The following ADCY3 variants were observed in gnomAD, a reference collection of about 807,000 sequenced individuals.
The protein encoded by ADCY3 is adenylate cyclase type 3.
Under a neutral mutation model 119.4 loss-of-function variants are expected in ADCY3, and 70 were observed. The ratio of observed to expected loss-of-function variants is 0.59; its 90% CI spans 0.48 to 0.72. The LOEUF is 0.72. Among genes scored for constraint, ADCY3 ranks in the 30% least tolerant of loss-of-function variants. ADCY3 has a pLI of 0.00. For missense variants in ADCY3, 1,238 were observed against 1,541.6 expected (o/e 0.80, Z 3.30); for synonymous variants, 672 against 621.4 (o/e 1.08, Z -1.21).
intron 3 of ADCY3, among the ~76,000 whole-genome samples, chr2:24,850,304 C>T (rs536110673): frequency 3.9e-5 from 6 of 152,190 alleles, no homozygotes; most frequent in Non-Finnish European, 8.8e-5. Flanking sequence ...TAGCTACGGA[C>T]CTTCTAGAAA....
rs1558389787 is a variant in ADCY3, at chr2:24,820,081, ACT to A, written c.3284_3285del (p.Glu1095ValfsTer29). 6 of 1,556,294 alleles carry A rather than the reference ACT, an allele frequency of 3.9e-6. No homozygotes were observed. Among genetic ancestry groups the A allele is most frequent in the African/African-American group, 1.4e-5 (1 of 71,138 alleles). ...VVEETQVILR[E>X]YGFRFVRRGP... is the part of the protein sequence containing the mutation. ...CCTCGCCTCACAAAGCGGAAGCCGT[ACT>A]CTCGGAGGATGACTTGGGTTTCTTC... On this transcript the variant is annotated frameshift_variant, in exon 22 of 22. Coordinates refer to ENST00000679454, the MANE Select transcript of ADCY3 (RefSeq NM_004036.5). LOFTEE classifies it high-confidence loss of function.
intron 2 of ADCY3, among the ~76,000 whole-genome samples, chr2:24,884,765 C>T (rs1046771487): frequency 1.3e-5 from 2 of 152,150 alleles, no homozygotes; most frequent in African/African-American, 2.4e-5. Context: ...GTGTGAGCCA[C>T]AGCGCCCAGC....
rs756903970 is a variant in ADCY3, at chr2:24,838,468, T to C, written c.1510A>G (p.Thr504Ala). The change falls in exon 8 of 22, where the codon ACC (threonine) becomes GCC (alanine). Residue 504 changes from threonine to alanine, a missense_variant. Thr to Ala is a moderately conservative substitution (Grantham distance 58). Around this residue, in one of 7 missense-constraint regions of ADCY3, gnomAD observed 283 missense variants for 437.2 expected, o/e 0.65. Transcript: ENST00000679454. ...ASKPEVKKTA[T>A]QNGLNGSALP... ...ACCGAGCCATTGAGGCCATTCTGGG[T>C]GGCTGTTTTCTTCACCTCTGGCTTG... The C allele has an allele frequency of 7.4e-6, 12 of 1,613,224 alleles. No homozygotes were observed. Among genetic ancestry groups the C allele is most frequent in the Admixed American group, 1.7e-5 (1 of 59,990 alleles).
In ADCY3 at chr2:24,820,019, G is replaced by T. The variant is rs1667313581; in HGVS notation, c.3348C>A (p.Thr1116=). The part of the protein sequence containing the change: ...IFVKGKGELL[T]FFLKGRDKLA... ...GCTTATCCCGCCCCTTCAAGAAGAA[G>T]GTCAGCAGCTCCCCCTTCCCCTTCA... is the stretch of plus-strand genomic sequence containing the variant. Residue 1116 remains threonine, a synonymous_variant, in exon 22 of 22, where the codon ACC becomes ACA. Coordinates refer to ENST00000679454, the MANE Select transcript of ADCY3 (RefSeq NM_004036.5). 2 of 1,612,232 alleles carry T rather than the reference G, an allele frequency of 1.2e-6. No homozygotes were observed. Among genetic ancestry groups the T allele is most frequent in the South Asian group, 2.2e-5 (2 of 90,876 alleles).
intron 14 of ADCY3, 115 bp from the exon 15 acceptor site, chr2:24,827,723 C>T: frequency 4.2e-6 from 6 of 1,426,828 alleles, no homozygotes; most frequent in Non-Finnish European, 5.8e-6. Context: ...AGAATCTATT[C>T]TCAGGTCCTA....
chr2:24,891,999 T>G (rs1051453018), intron 2 of ADCY3, among the ~76,000 whole-genome samples: 13 of 152,252 alleles, frequency 8.5e-5, no homozygotes, highest in Admixed American at 2.6e-4. Flanking sequence ...GGGGAACTAC[T>G]GTATAAGCAT....
intron 7 of ADCY3, 89 bp from the exon 8 acceptor site, chr2:24,838,711 C>T: frequency 6.3e-7 from 1 of 1,591,248 alleles, no homozygotes; most frequent in Non-Finnish European, 8.6e-7. Flanking sequence ...GCTGCACCGG[C>T]TGCTGCTCGG....
At chr2:24,915,075 G>T (rs1664286972) in intron 2 of ADCY3, among the ~76,000 whole-genome samples, 1 of 152,202 alleles carries the variant, frequency 6.6e-6, no homozygotes, top group South Asian at 2.1e-4. Flanking sequence ...ATGGGCATGG[G>T]GGGATAAGGG....
Position 24,872,268 on chromosome 2 carries a change from A to G in ADCY3, c.825+302T>C, listed in dbSNP as rs1340352499. ...GAAGTCATAGCTGGCTGCTTGGGCA[A>G]TGCATTTCTTGAAAGGGAAAAGTTT... On this transcript the variant is annotated intron_variant, in intron 3 of 21. Transcript: ENST00000679454. This position sits in a 1 kb window ranked among gnomAD's most constrained non-coding sequence, Gnocchi z 4.4. 6.6e-6 allele frequency among the ~76,000 whole-genome samples: 1 copy of G among 152,206 alleles called. No homozygotes were observed. Among genetic ancestry groups the G allele is most frequent in the African/African-American group, 2.4e-5 (1 of 41,456 alleles).
Position 24,838,428 on chromosome 2 carries a change from TGGGGTG to T in ADCY3, c.1533+11_1533+16del. 2 of 583,700 alleles carry T rather than the reference TGGGGTG, an allele frequency of 3.4e-6. No individual in the cohort carries two copies. Among genetic ancestry groups the T allele is most frequent in the Non-Finnish European group, 5.0e-6 (2 of 402,996 alleles). The allele number at this position is 583,700 out of a possible 1,614,324, so 36.2% of individuals were successfully genotyped here. On this transcript the variant is annotated intron_variant, in intron 8 of 21. Transcript: ENST00000679454. ...GGTGGGGTGGGTGGGGTGGGTGGGGTGGGGTGGGGAACTCACCGAGCCATTGAGGCC... is the reference window on the plus strand; with the variant it reads ...GGTGGGGTGGGTGGGGTGGGTGGGGTGGGAACTCACCGAGCCATTGAGGCC...
rs527464781 is a variant in ADCY3 at position 24,822,745 on chromosome 2, A to G, written c.2884-115T>C. 4.3e-5 allele frequency: 59 copies of G among 1,387,578 alleles called. 1 individual carries two copies. The South Asian group carries it at 5.6e-4, about 13-fold the overall frequency. 86.0% of individuals were successfully genotyped at this position (1,387,578 alleles called of 1,614,324 possible). ...CACTAAACCCAAGAGACACTTTCCTATCAAAGTTGTTACTTAGTCTACCGC... is the reference window on the plus strand; with the variant it reads ...CACTAAACCCAAGAGACACTTTCCTGTCAAAGTTGTTACTTAGTCTACCGC... On this transcript the variant is annotated intron_variant, in intron 18 of 21. Coordinates refer to ENST00000679454, the MANE Select transcript of ADCY3 (RefSeq NM_004036.5).
intron 2 of ADCY3, among the ~76,000 whole-genome samples, chr2:24,900,269 C>G (rs1038033682): frequency 9.6e-5 from 14 of 145,548 alleles, no homozygotes; most frequent in Non-Finnish European, 2.0e-4. Flanking sequence ...CGCCACCACC[C>G]AGGAGGCGAA....
intron 3 of ADCY3, among the ~76,000 whole-genome samples, chr2:24,844,380 G>A (rs1671422584): frequency 6.6e-6 from 1 of 152,102 alleles, no homozygotes; most frequent in African/African-American, 2.4e-5. Context: ...GGGCCTGGCT[G>A]GATGGCTGTG....
chr2:24,830,783 G>C lies in ADCY3; in HGVS notation c.2098C>G (p.Arg700Gly), dbSNP rs369152255. 1 of 1,614,000 alleles carries C rather than the reference G, an allele frequency of 6.2e-7. No individual in the cohort carries two copies. The highest frequency in any genetic ancestry group is 2.2e-5 in the East Asian group (1 of 44,870). Residue 700 changes from arginine (R) to glycine (G), a missense_variant, in exon 13 of 22, where the codon CGG becomes GGG. Around this residue, in one of 7 missense-constraint regions of ADCY3, gnomAD observed 499 missense variants for 571.0 expected, o/e 0.87. Coordinates refer to ENST00000679454, the MANE Select transcript of ADCY3 (RefSeq NM_004036.5). ...CAGGTGTTCCTGGCCCAGCGGGTCC[G>C]GTCAATCCAAGTTGAGAAGGCCACA... Reference protein sequence around the residue: ...KLVAFSTWIDRTRWARNTWAM... With the variant: ...KLVAFSTWIDGTRWARNTWAM...
At chr2:24,908,853 C>T (rs1663222386) in intron 2 of ADCY3, among the ~76,000 whole-genome samples, 1 of 151,992 alleles carries the variant, frequency 6.6e-6, no homozygotes, top group South Asian at 2.1e-4. Flanking sequence ...TGGGTCCCGG[C>T]AGGAAGCAGG....
Position 24,830,645 on chromosome 2 carries a change from C to T in ADCY3, c.2172+64G>A, listed in dbSNP as rs1669358873. ...GGACTGAGAAACTGCTTGTGTGACCCAAACAGAAGCCCTTCTCCACTGAGA... is the reference window on the plus strand; with the variant it reads ...GGACTGAGAAACTGCTTGTGTGACCTAAACAGAAGCCCTTCTCCACTGAGA... On this transcript the variant is annotated intron_variant, in intron 13 of 21. Coordinates refer to ENST00000679454, the MANE Select transcript of ADCY3 (RefSeq NM_004036.5). The T allele has an allele frequency of 9.0e-6, 12 of 1,335,584 alleles. No individual in the cohort carries two copies. In the African/African-American group the frequency reaches 1.3e-4, roughly 15 times the overall value. 82.7% of individuals were successfully genotyped at this position (1,335,584 alleles called of 1,614,324 possible). A position where few individuals can be genotyped will look rare whatever the true frequency, so the allele number is the denominator to read the frequency against.
At chr2:24,879,972 T>C (rs1443266302) in intron 2 of ADCY3, among the ~76,000 whole-genome samples, 2 of 152,192 alleles carry the variant, frequency 1.3e-5, no homozygotes. Context: ...ATTCTAAGCA[T>C]CGCTGCACCA....
chr2:24,854,929 A>G (rs1672822914), intron 3 of ADCY3, among the ~76,000 whole-genome samples: 1 of 152,144 alleles, frequency 6.6e-6, no homozygotes, highest in Non-Finnish European at 1.5e-5. Flanking sequence ...GGGCACCTGT[A>G]ATACCAGCTG....
chr2:24,858,495 G>C (rs1045003467), intron 3 of ADCY3, among the ~76,000 whole-genome samples: 10 of 152,172 alleles, frequency 6.6e-5, no homozygotes, highest in African/African-American at 2.2e-4. Context: ...GTGCCAGCTG[G>C]TAAATGAGAG....
Sources: allele counts gnomAD v4.1 joint callset (sites outside exome capture counted in the v4.1 genomes callset), GRCh38; gene constraint gnomAD v4.1.1; regional missense constraint gnomAD v4.1.1; non-coding constraint Gnocchi (gnomAD v3.1); transcripts MANE v1.5; gene names NCBI Gene and HGNC (gene_info 2026-07-23, HGNC 2026-07-21).